Variants in NRG3 observed in about 807,000 individuals in gnomAD.
The protein encoded by NRG3 is neuregulin 3, also known as pro-neuregulin-3, membrane-bound isoform.
NRG3 carries 31 observed loss-of-function variants against 66.9 expected under a neutral mutation model. That is an observed-to-expected ratio of 0.46 (90% confidence interval 0.35 to 0.63). The LOEUF (loss-of-function observed/expected upper bound fraction) is 0.63, where lower values mean the gene tolerates loss of function less well. NRG3 is among the 20% of genes least tolerant of loss of function. NRG3 has a pLI of 0.00. For synonymous variants in NRG3, 393 were observed against 359.4 expected (o/e 1.09, Z -1.06); for missense variants, 910 against 878.9 (o/e 1.04, Z -0.45).
In NRG3 at chr10:82,443,149, G is replaced by T. The variant is rs1308891349; in HGVS notation, c.953+84281G>T. ...TAGACCTTAGAGGAGTAAGAAAGAAGGGGAGAGGGAGAGAAAAAAGCCCTG... is the reference window on the plus strand; with the variant it reads ...TAGACCTTAGAGGAGTAAGAAAGAATGGGAGAGGGAGAGAAAAAAGCCCTG... On this transcript the variant is annotated intron_variant, in intron 2 of 8. Transcript: ENST00000372141. Among the ~76,000 whole-genome samples, 5 of 152,198 alleles carry T rather than the reference G, an allele frequency of 3.3e-5. No homozygotes were observed. The East Asian group carries it at 9.7e-4, about 30-fold the overall frequency.
In NRG3 at chr10:82,358,862, A is replaced by G; in HGVS notation, c.947A>G (p.His316Arg). Residue 316 changes from histidine to arginine, a missense_variant, in exon 2 of 9, where the codon CAC becomes CGC. Coordinates refer to ENST00000372141, the MANE Select transcript of NRG3 (RefSeq NM_001010848.4). ...VIETLTGSHK[H>R]CRCKEGYQGV... ...GAAACCCTGACCGGATCCCATAAAC[A>G]CTGTCGGTAAGCCACTGAGGCCACT... The G allele has an allele frequency of 1.9e-6, 3 of 1,614,132 alleles. No individual in the cohort carries two copies. The highest frequency in any genetic ancestry group is 2.5e-6 in the Non-Finnish European group (3 of 1,180,010).
chr10:82,793,010 A>G (rs939158788), intron 3 of NRG3, among the ~76,000 whole-genome samples: 5 of 151,950 alleles, frequency 3.3e-5, no homozygotes, highest in Admixed American at 3.3e-4. Context: ...AATCCTACCA[A>G]TAAACTCAGA....
At chr10:82,893,247 A>G (rs917822772) in intron 4 of NRG3, among the ~76,000 whole-genome samples, 3 of 152,224 alleles carry the variant, frequency 2.0e-5, no homozygotes, top group Non-Finnish European at 4.4e-5. Flanking sequence ...GATATTTTGC[A>G]CAAAATACTA....
chr10:82,721,282 C>T (rs1361479398), intron 2 of NRG3, among the ~76,000 whole-genome samples: 4 of 150,970 alleles, frequency 2.6e-5, no homozygotes, highest in Admixed American at 2.0e-4. Flanking sequence ...CAGGTGCCCT[C>T]CACCATGCCC....
intron 1 of NRG3, among the ~76,000 whole-genome samples, chr10:82,289,818 C>A (rs2079622485): frequency 6.6e-6 from 1 of 152,278 alleles, no homozygotes; most frequent in South Asian, 2.1e-4. Context: ...ATAGCAAGTT[C>A]ATTTGGTAAT....
intron 2 of NRG3, among the ~76,000 whole-genome samples, chr10:82,719,918 G>T (rs573245865): frequency 6.6e-6 from 1 of 152,114 alleles, no homozygotes; most frequent in Non-Finnish European, 1.5e-5. Flanking sequence ...TGAGAGATTA[G>T]GATATTAGTA....
At chr10:82,155,082 G>A (rs1263667501) in intron 1 of NRG3, among the ~76,000 whole-genome samples, 1 of 151,636 alleles carries the variant, frequency 6.6e-6, no homozygotes, top group African/African-American at 2.4e-5. Context: ...TACTTTGTAA[G>A]ATAAATTTAG....
At chr10:82,589,973 A>C (rs1470000989) in intron 2 of NRG3, among the ~76,000 whole-genome samples, 1 of 152,198 alleles carries the variant, frequency 6.6e-6, no homozygotes, top group African/African-American at 2.4e-5. Context: ...TAGAACAGTC[A>C]CTGAAAAATG....
intron 2 of NRG3, among the ~76,000 whole-genome samples, chr10:82,698,254 A>G (rs1262847859): frequency 6.6e-6 from 1 of 152,124 alleles, no homozygotes; most frequent in African/African-American, 2.4e-5. Context: ...GTTCAAACAG[A>G]TGTGAATTGC....
chr10:82,000,920 A>G (rs1201198341), intron 1 of NRG3, among the ~76,000 whole-genome samples: 3 of 152,192 alleles, frequency 2.0e-5, no homozygotes, highest in African/African-American at 7.2e-5. Flanking sequence ...CTTTTAAAAT[A>G]ATTTTATTCA....
intron 3 of NRG3, among the ~76,000 whole-genome samples, chr10:82,805,222 T>C (rs2135462842): frequency 6.6e-6 from 1 of 152,282 alleles, no homozygotes; most frequent in South Asian, 2.1e-4. Flanking sequence ...TCCTTGCTAA[T>C]ATTGTGGTAG....
intron 2 of NRG3, among the ~76,000 whole-genome samples, chr10:82,410,975 A>G (rs2088032055): frequency 6.6e-6 from 1 of 152,180 alleles, no homozygotes; most frequent in South Asian, 2.1e-4. Flanking sequence ...AAAGGTAACT[A>G]TTGCAAATCT....
chr10:82,532,475 A>G (rs1055330759), intron 2 of NRG3, among the ~76,000 whole-genome samples: 1 of 148,534 alleles, frequency 6.7e-6, no homozygotes, highest in South Asian at 2.1e-4. Context: ...ATTACTATAT[A>G]TATAGTACTC....
At chr10:81,884,019 A>G (rs1223828591) in intron 1 of NRG3, among the ~76,000 whole-genome samples, 1 of 152,226 alleles carries the variant, frequency 6.6e-6, no homozygotes, top group Admixed American at 6.5e-5. Flanking sequence ...AAAAACAATC[A>G]TATCTAGGCC....
chr10:82,632,445 T>A (rs1254634471), intron 2 of NRG3, among the ~76,000 whole-genome samples: 5 of 152,188 alleles, frequency 3.3e-5, no homozygotes, highest in East Asian at 1.9e-4. Flanking sequence ...GCCCTTTTTT[T>A]AATTACACTT....
At chr10:82,099,925 A>C (rs567055704) in intron 1 of NRG3, among the ~76,000 whole-genome samples, 1 of 151,894 alleles carries the variant, frequency 6.6e-6, no homozygotes, top group Non-Finnish European at 1.5e-5. Flanking sequence ...TCAAGTATGC[A>C]GTGAGCTGTG....
chr10:82,822,144 G>C (rs998686671), intron 3 of NRG3, among the ~76,000 whole-genome samples: 7 of 152,166 alleles, frequency 4.6e-5, no homozygotes, highest in African/African-American at 1.7e-4. Context: ...TCAGAGATGA[G>C]TGCAAACTGG....
intron 4 of NRG3, among the ~76,000 whole-genome samples, chr10:82,929,934 A>T (rs570307602): frequency 2.0e-4 from 31 of 152,020 alleles, no homozygotes; most frequent in Non-Finnish European, 3.7e-4. Flanking sequence ...CAACACAAAG[A>T]GGGATTTTGA....
chr10:82,399,295 C>T (rs1182965162), intron 2 of NRG3, among the ~76,000 whole-genome samples: 5 of 152,122 alleles, frequency 3.3e-5, no homozygotes, highest in African/African-American at 4.8e-5. Flanking sequence ...CCAACTCAAA[C>T]CCAGGGCACA....
Sources: gnomAD v4.1 joint callset for allele counts (sites outside exome capture counted in the v4.1 genomes callset) on GRCh38, gnomAD v4.1.1 for gene constraint, MANE v1.5 for transcripts, NCBI Gene and HGNC (gene_info 2026-07-23, HGNC 2026-07-21) for gene names.